The following SLC11A1 variants were observed in gnomAD, a reference collection of about 807,000 sequenced individuals.
SLC11A1 encodes the protein natural resistance-associated macrophage protein 1.
Under a neutral mutation model 63.2 loss-of-function variants are expected in SLC11A1, and 59 were observed. The observed-to-expected ratio is 0.93, with a 90% confidence interval of 0.76 to 1.16. The LOEUF (loss-of-function observed/expected upper bound fraction) is 1.16, where lower values mean the gene tolerates loss of function less well. Ranked by LOEUF, SLC11A1 falls within the 50% of genes most tolerant of loss-of-function variation. The probability of loss-of-function intolerance (pLI) is 0.00; values close to 1 mark genes in which losing one functional copy is unlikely to be tolerated. For synonymous variants in SLC11A1, 305 were observed against 307.8 expected (o/e 0.99, Z 0.09); for missense variants, 688 against 730.7 (o/e 0.94, Z 0.67).
Position 218,394,985 on chromosome 2 carries a change from T to A in SLC11A1, c.1603T>A (p.Phe535Ile). The change falls in exon 15 of 15, where the codon TTC becomes ATC. Residue 535 changes from phenylalanine (F) to isoleucine (I), a missense_variant. Coordinates refer to ENST00000233202, the MANE Select transcript of SLC11A1 (RefSeq NM_000578.4). ...TCTGGCCCACAGCTCCCACCACCAC[T>A]TCCTGTATGGGCTCCTTGAAGAGGA... ...TFLAHSSHHH[F>I]LYGLLEEDQK... is the part of the protein sequence containing the mutation. 1 of 1,613,238 alleles carries A rather than the reference T, an allele frequency of 6.2e-7. No homozygotes were observed. The highest frequency in any genetic ancestry group is 8.5e-7 in the Non-Finnish European group (1 of 1,179,684).
Position 218,394,690 on chromosome 2 carries a change from T to C in SLC11A1, c.1447T>C (p.Phe483Leu). 6.2e-7 allele frequency: 1 copy of C among 1,614,096 alleles called. No individual in the cohort carries two copies. Among genetic ancestry groups the C allele is most frequent in the Non-Finnish European group, 8.5e-7 (1 of 1,180,030 alleles). Residue 483 changes from phenylalanine (F) to leucine (L), a missense_variant, in exon 14 of 15, where the codon TTC becomes CTC. Physicochemically the swap from Phe to Leu is conservative, Grantham distance 22 (BLOSUM62 0). Coordinates refer to ENST00000233202, the MANE Select transcript of SLC11A1 (RefSeq NM_000578.4). ...GCTAGTCTGCGCCATCAACCTCTAC[T>C]TCGTGGTCAGCTATCTGCCCAGCCT... ...MVLVCAINLYFVVSYLPSLPH... is the reference protein window; with the variant it reads ...MVLVCAINLYLVVSYLPSLPH...
At chr2:218,383,140 G>A (rs201049673) in intron 2 of SLC11A1, 38 bp downstream of exon 2, 3 of 1,608,238 alleles carry the variant, frequency 1.9e-6, no homozygotes, top group East Asian at 2.2e-5. Flanking sequence ...TTGCAAGATT[G>A]ACAGGATCCT....
intron 6 of SLC11A1, 48 bp downstream of exon 6, chr2:218,387,278 T>C (rs2106331687): frequency 6.5e-7 from 1 of 1,538,266 alleles, no homozygotes; most frequent in Non-Finnish European, 8.9e-7. Flanking sequence ...GTGAGGGTGC[T>C]GTACTGGGAG....
intron 9 of SLC11A1, 107 bp from the exon 10 acceptor site, chr2:218,391,091 C>A: frequency 1.1e-6 from 1 of 875,748 alleles, no homozygotes; most frequent in South Asian, 1.4e-5. Context: ...TGGCCAGATT[C>A]AGCCTTGGGC....
chr2:218,391,129 T>C lies in SLC11A1; in HGVS notation c.955-69T>C, dbSNP rs144824281. On this transcript the variant is annotated intron_variant, in intron 9 of 14. Coordinates refer to ENST00000233202, the MANE Select transcript of SLC11A1 (RefSeq NM_000578.4). ...CCAGTTTTGGAACCCTGGTCAGTGCTAGGCAGTCCAGTTTCCCAAGGCTGA... is the reference window on the plus strand; with the variant it reads ...CCAGTTTTGGAACCCTGGTCAGTGCCAGGCAGTCCAGTTTCCCAAGGCTGA... 2.0e-5 allele frequency: 28 copies of C among 1,400,316 alleles called. No individual in the cohort carries two copies. In the African/African-American group the frequency reaches 3.5e-4, roughly 18 times the overall value. The allele number at this position is 1,400,316 out of a possible 1,614,324, so 86.7% of individuals were successfully genotyped here.
In SLC11A1 at chr2:218,387,920, C is replaced by G. The variant is rs1415977421; in HGVS notation, c.760C>G (p.Pro254Ala). The change falls in exon 8 of 15, where the codon CCC (proline) becomes GCC (alanine). Residue 254 changes from proline (P) to alanine (A), a missense_variant. Coordinates refer to ENST00000233202, the MANE Select transcript of SLC11A1 (RefSeq NM_000578.4). ...GGGCATTGTTGGCGCCATCATCATG[C>G]CCCACAACATCTACCTGCACTCGGC... ...AVGIVGAIIMPHNIYLHSALV... is the reference protein window; with the variant it reads ...AVGIVGAIIMAHNIYLHSALV... The G allele has an allele frequency of 1.9e-6, 3 of 1,610,548 alleles. No homozygotes were observed. The highest frequency in any genetic ancestry group is 2.5e-6 in the Non-Finnish European group (3 of 1,178,696).
Position 218,382,950 on chromosome 2 carries a change from G to A in SLC11A1, c.8-10G>A, listed in dbSNP as rs1334161517. On this transcript the variant is annotated splice_polypyrimidine_tract_variant and intron_variant, in intron 1 of 14. Transcript: ENST00000233202. ...GCAGGACACTCACCATGCTTCATGG[G>A]CCCCCACAGGTGACAAGGGTCCCCA... 3 of 1,613,982 alleles carry A rather than the reference G, an allele frequency of 1.9e-6. No homozygotes were observed. The highest frequency in any genetic ancestry group is 2.5e-6 in the Non-Finnish European group (3 of 1,179,966).
At chr2:218,382,526 TGG>T in intron 1 of SLC11A1, 151 bp downstream of exon 1, 5 of 785,576 alleles carry the variant, frequency 6.4e-6, no homozygotes, top group African/African-American at 1.7e-5. Context: ...AACACAGTTC[TGG>T]ACACCAGACT....
intron 8 of SLC11A1, among the ~76,000 whole-genome samples, chr2:218,388,832 C>T (rs1696273053): frequency 6.6e-6 from 1 of 151,930 alleles, no homozygotes; most frequent in African/African-American, 2.4e-5. Flanking sequence ...AACTATAGAG[C>T]TGGGCGAGGT....
chr2:218,386,684 C>T lies in SLC11A1; in HGVS notation c.443C>T (p.Ser148Phe), dbSNP rs1340830907. 2 of 1,613,994 alleles carry T rather than the reference C, an allele frequency of 1.2e-6. No individual in the cohort carries two copies. The highest frequency in any genetic ancestry group is 1.7e-6 in the Non-Finnish European group (2 of 1,180,020). ...ACCATCGAGCTAGCCATTGTGGGCT[C>T]CGACATGCAGGAAGTCATCGGCACG... Reference protein sequence around the residue: ...WLTIELAIVGSDMQEVIGTAI... With the variant: ...WLTIELAIVGFDMQEVIGTAI... Residue 148 changes from serine (S) to phenylalanine (F), a missense_variant, in exon 5 of 15, where the codon TCC (serine) becomes TTC (phenylalanine). By Grantham distance (155) the Ser-to-Phe change is radical. Transcript: ENST00000233202.
chr2:218,387,705 C>A, intron 7 of SLC11A1, 73 bp downstream of exon 7: 1 of 1,611,660 alleles, frequency 6.2e-7, no homozygotes, highest in South Asian at 1.1e-5. Flanking sequence ...TGGCCGCGGG[C>A]TGCGGGGGGC....
intron 5 of SLC11A1, 127 bp from the exon 6 acceptor site, chr2:218,387,033 C>T (rs777624950): frequency 4.6e-6 from 4 of 865,920 alleles, no homozygotes; most frequent in East Asian, 2.4e-5. Context: ...TCCCCTTGCC[C>T]TAGCTGTCTG....
chr2:218,385,371 C>A, intron 4 of SLC11A1, 105 bp downstream of exon 4: 1 of 1,499,856 alleles, frequency 6.7e-7, no homozygotes, highest in Non-Finnish European at 9.3e-7. Flanking sequence ...ATGGGGCATC[C>A]CAAGTCTGTT....
At chr2:218,389,199 T>G (rs1026514568) in intron 8 of SLC11A1, among the ~76,000 whole-genome samples, 2 of 151,526 alleles carry the variant, frequency 1.3e-5, no homozygotes, top group African/African-American at 4.9e-5. Flanking sequence ...GTTGGGGAAG[T>G]AGATCAGGGA....
intron 6 of SLC11A1, 72 bp from the exon 7 acceptor site, chr2:218,387,493 T>C (rs1264050842): frequency 6.7e-7 from 1 of 1,482,272 alleles, no homozygotes; most frequent in Non-Finnish European, 9.4e-7. Flanking sequence ...CTCGTAGTAT[T>C]AGCCATTACG....
Position 218,384,085 on chromosome 2 carries a change from C to A in SLC11A1, c.151-158C>A. 3.2e-6 allele frequency: 2 copies of A among 615,554 alleles called. No homozygotes were observed. Among genetic ancestry groups the A allele is most frequent in the Non-Finnish European group, 5.3e-6 (2 of 379,944 alleles). 38.1% of individuals were successfully genotyped at this position (615,554 alleles called of 1,614,324 possible). On this transcript the variant is annotated intron_variant, in intron 2 of 14. Coordinates refer to ENST00000233202, the MANE Select transcript of SLC11A1 (RefSeq NM_000578.4). This position sits in a 1 kb window ranked among gnomAD's most constrained non-coding sequence, Gnocchi z 4.0. ...GAGCATGCTGCTTCCTCCACCCATG[C>A]CCTCCCCATCCCTTGGGTGGCAGAC...
intron 1 of SLC11A1, 121 bp from the exon 2 acceptor site, chr2:218,382,839 G>A (rs1378432615): frequency 1.6e-6 from 2 of 1,234,966 alleles, no homozygotes; most frequent in Non-Finnish European, 2.3e-6. Context: ...GACCCAAGAT[G>A]GGGGCCAGGG....
At chr2:218,386,863 CT>C in intron 5 of SLC11A1, 122 bp downstream of exon 5, 1 of 754,976 alleles carries the variant, frequency 1.3e-6, no homozygotes, top group Non-Finnish European at 2.3e-6. Flanking sequence ...AGCAGGGCTG[CT>C]GCCCTGTTTT....
In SLC11A1 at chr2:218,394,177, G is replaced by T; in HGVS notation, c.1372G>T (p.Glu458Ter). The change falls in exon 13 of 15, where the codon GAG becomes TAG. Residue 458 changes from glutamate to a stop codon, truncating the protein, a stop_gained. Coordinates refer to ENST00000233202, the MANE Select transcript of SLC11A1 (RefSeq NM_000578.4). LOFTEE classifies it high-confidence loss of function. ...CACCAGCATGCCCACCCTCATGCAG[G>T]AGTTTGCCAATGGCCTGTGAGTACC... ...TFTSMPTLMQEFANGLLNKVV... is the reference protein window; with the variant it reads ...TFTSMPTLMQ 1 of 1,614,128 alleles carries T rather than the reference G, an allele frequency of 6.2e-7. No individual in the cohort carries two copies.
Sources: gnomAD v4.1 joint callset for allele counts (sites outside exome capture counted in the v4.1 genomes callset) on GRCh38, gnomAD v4.1.1 for gene constraint, Gnocchi (gnomAD v3.1) non-coding constraint, MANE v1.5 for transcripts, NCBI Gene and HGNC (gene_info 2026-07-23, HGNC 2026-07-21) for gene names.